PRKCQ: variants seen among roughly 807,000 people sequenced by gnomAD.
PRKCQ encodes protein kinase C theta type.
In PRKCQ, 41 loss-of-function variants were observed where a neutral mutation model predicts 91.2. The observed-to-expected ratio is 0.45, with a 90% confidence interval of 0.35 to 0.58. The LOEUF is 0.58. PRKCQ is among the 20% of genes least tolerant of loss of function. The pLI, the probability that PRKCQ is intolerant of heterozygous loss-of-function variation, is 0.00. For synonymous variants in PRKCQ, 307 were observed against 316.9 expected, an observed-to-expected ratio of 0.97 and a Z score of 0.33; for missense variants, 673 against 896.5, an observed-to-expected ratio of 0.75 and a Z score of 3.18.
chr10:6,561,369 CAAAAAAAAA>C (rs3086735), intron 1 of PRKCQ, among the ~76,000 whole-genome samples: 4 of 82,638 alleles, frequency 4.8e-5, no homozygotes, highest in African/African-American at 1.9e-4. Context: ...GACCCTGTCT[CAAAAAAAAA>C]AAAAAAAAAA....
intron 1 of PRKCQ, among the ~76,000 whole-genome samples, chr10:6,563,931 G>C (rs1456893212): frequency 6.6e-6 from 1 of 152,196 alleles, no homozygotes; most frequent in Non-Finnish European, 1.5e-5. Context: ...GGGACACCTT[G>C]ACACAGCCCG....
the PRKCQ span, among the ~76,000 whole-genome samples, chr10:6,404,520 CCCT>C: frequency 1.4e-5 from 2 of 145,856 alleles, no homozygotes; most frequent in Admixed American, 1.4e-4. Flanking sequence ...TCTCCTTCCT[CCCT>C]CCTTCCTTCC....
intron 16 of PRKCQ, among the ~76,000 whole-genome samples, chr10:6,440,019 C>T (rs79469153): frequency 0.022 from 3,335 of 152,006 alleles, 132 homozygotes; most frequent in African/African-American, 0.077. Flanking sequence ...ATCATGGGGG[C>T]GGTTTCCCCC....
chr10:6,518,940 T>C (rs1012371843), intron 1 of PRKCQ, among the ~76,000 whole-genome samples: 5 of 152,270 alleles, frequency 3.3e-5, no homozygotes, highest in Admixed American at 3.3e-4. Context: ...AAATGAATCA[T>C]ACACTTTCAT....
At chr10:6,522,337 G>C (rs1370314404) in intron 1 of PRKCQ, among the ~76,000 whole-genome samples, 1 of 152,122 alleles carries the variant, frequency 6.6e-6, no homozygotes, top group Non-Finnish European at 1.5e-5. Context: ...GTGTAGCTTC[G>C]ATGCAGGTAC....
chr10:6,438,657 G>T (rs374320771), intron 16 of PRKCQ, among the ~76,000 whole-genome samples: 1 of 152,214 alleles, frequency 6.6e-6, no homozygotes, highest in South Asian at 2.1e-4. Flanking sequence ...GTGCAGTGGT[G>T]TGATCATGGC....
intron 12 of PRKCQ, among the ~76,000 whole-genome samples, chr10:6,470,928 A>C (rs78385569): frequency 7.5e-5 from 2 of 26,704 alleles, no homozygotes; most frequent in South Asian, 2.1e-3. Context: ...GACTGTCGCA[A>C]AAAAAAAAAA....
At chr10:6,534,802 A>ATCTATATATATATATAGATATATATATC (rs533530762) in intron 1 of PRKCQ, among the ~76,000 whole-genome samples, 1 of 148,172 alleles carries the variant, frequency 6.7e-6, no homozygotes, top group African/African-American at 2.5e-5. Flanking sequence ...AGATATATAT[A>ATCTATATATATATATAGATATATATATC]TATATATATA....
At chr10:6,404,573 CTCTT>C in the PRKCQ span, among the ~76,000 whole-genome samples, 29,993 of 121,688 alleles carry the variant, frequency 0.25, 3,658 homozygotes, top group Admixed American at 0.32. Context: ...TTCCTTCTTT[CTCTT>C]TCTTTCTTTC....
At chr10:6,482,879 G>C (rs1368545477) in intron 11 of PRKCQ, among the ~76,000 whole-genome samples, 2 of 152,114 alleles carry the variant, frequency 1.3e-5, no homozygotes, top group African/African-American at 4.8e-5. Flanking sequence ...CATGGGAACA[G>C]CACAGAAAAA....
intron 15 of PRKCQ, among the ~76,000 whole-genome samples, chr10:6,442,541 C>T (rs180816683): frequency 9.2e-5 from 14 of 152,298 alleles, no homozygotes; most frequent in Non-Finnish European, 2.1e-4. Context: ...AAGAGGTCAT[C>T]TGGACAGTTC....
Position 6,561,369 on chromosome 10 carries a change from C to CGAAAAAAAAAA in PRKCQ, c.-10+18841_-10+18842insTTTTTTTTTTC, listed in dbSNP as rs1564394645. 4.8e-5 allele frequency among the ~76,000 whole-genome samples: 4 copies of CGAAAAAAAAAA among 82,638 alleles called. 1 individual carries two copies. Among genetic ancestry groups the CGAAAAAAAAAA allele is most frequent in the Non-Finnish European group, 9.1e-5 (4 of 43,974 alleles). The allele number at this position is 82,638 out of a possible 152,430, so 54.2% of individuals were successfully genotyped here. On this transcript the variant is annotated intron_variant, in intron 1 of 17. Coordinates refer to ENST00000263125, the MANE Select transcript of PRKCQ (RefSeq NM_006257.5). Reference sequence around the variant, plus strand: ...GGACCACCAGAGTGAGACCCTGTCTCAAAAAAAAAAAAAAAAAAAAAAAAA... The same window carrying CGAAAAAAAAAA: ...GGACCACCAGAGTGAGACCCTGTCTCGAAAAAAAAAAAAAAAAAAAAAAAAAAAAAAAAAAA...
intron 1 of PRKCQ, among the ~76,000 whole-genome samples, chr10:6,573,437 T>C (rs1299519307): frequency 6.6e-6 from 1 of 152,200 alleles, no homozygotes; most frequent in Non-Finnish European, 1.5e-5. Flanking sequence ...CCACCCGCGA[T>C]ACCTTGTCCT....
At chr10:6,506,748 T>C (rs1838219926) in intron 4 of PRKCQ, among the ~76,000 whole-genome samples, 3 of 152,222 alleles carry the variant, frequency 2.0e-5, no homozygotes. Context: ...GGTAGTAAAA[T>C]TAATTTAGGA....
intron 1 of PRKCQ, among the ~76,000 whole-genome samples, chr10:6,572,325 A>G (rs529354022): frequency 6.6e-6 from 1 of 152,090 alleles, no homozygotes; most frequent in Non-Finnish European, 1.5e-5. Flanking sequence ...CTATCATCCC[A>G]TCACCTAGGT....
At chr10:6,402,598 T>A in the PRKCQ span, among the ~76,000 whole-genome samples, 1 of 152,196 alleles carries the variant, frequency 6.6e-6, no homozygotes, top group Non-Finnish European at 1.5e-5. Context: ...CTTTTTCTGT[T>A]CCGAGCTTTC....
At chr10:6,467,423 G>C (rs576125834) in intron 12 of PRKCQ, among the ~76,000 whole-genome samples, 2 of 122,944 alleles carry the variant, frequency 1.6e-5, no homozygotes, top group Non-Finnish European at 3.6e-5. Flanking sequence ...GAGAGAGAGA[G>C]AGAGAGAGAT....
chr10:6,513,189 T>C (rs953787811), intron 2 of PRKCQ, among the ~76,000 whole-genome samples: 2 of 152,228 alleles, frequency 1.3e-5, no homozygotes, highest in Non-Finnish European at 2.9e-5. Context: ...GTCCTTGTTC[T>C]GTTGGCTCAT....
At chr10:6,525,365 G>A (rs2130888659) in intron 1 of PRKCQ, among the ~76,000 whole-genome samples, 1 of 152,254 alleles carries the variant, frequency 6.6e-6, no homozygotes, top group East Asian at 1.9e-4. Context: ...ATCACCTGAG[G>A]TCAGGAGTTC....
Sources: gnomAD v4.1 joint callset for allele counts (sites outside exome capture counted in the v4.1 genomes callset) on GRCh38, gnomAD v4.1.1 for gene constraint, MANE v1.5 for transcripts, NCBI Gene and HGNC (gene_info 2026-07-23, HGNC 2026-07-21) for gene names.